Variants in CSMD1 observed in about 807,000 individuals in gnomAD.
CSMD1 encodes the protein CUB and sushi domain-containing protein 1.
CSMD1 carries 213 observed loss-of-function variants against 417.5 expected under a neutral mutation model. The observed-to-expected ratio is 0.51, with a 90% CI of 0.46 to 0.57. CSMD1 has a LOEUF of 0.57. Ranked by LOEUF, CSMD1 falls within the 20% of genes least tolerant of loss-of-function variation. CSMD1 has a pLI of 0.00. For missense variants in CSMD1, 6,923 were observed against 4,529.7 expected (o/e 1.53, Z -15.17); for synonymous variants, 2,862 against 1,736.8 (o/e 1.65, Z -16.11).
At chr8:4,756,039 AC>A (rs1289773898) in intron 1 of CSMD1, among the ~76,000 whole-genome samples, 12 of 152,366 alleles carry the variant, frequency 7.9e-5, no homozygotes, top group Non-Finnish European at 1.5e-4. Context: ...GTTCACAAAT[AC>A]AAATGCTAAA....
intron 3 of CSMD1, among the ~76,000 whole-genome samples, chr8:4,366,091 C>T (rs1187373596): frequency 6.6e-6 from 1 of 152,070 alleles, no homozygotes; most frequent in Non-Finnish European, 1.5e-5. Context: ...ACCCTCCCCA[C>T]TCAGGTAGTA....
chr8:4,904,310 A>G (rs982261202), intron 1 of CSMD1, among the ~76,000 whole-genome samples: 1 of 152,266 alleles, frequency 6.6e-6, no homozygotes. Context: ...TTCCCATTAA[A>G]AAATCAATAA....
intron 7 of CSMD1, among the ~76,000 whole-genome samples, chr8:3,640,011 T>TA (rs1358964508): frequency 6.6e-6 from 1 of 152,204 alleles, no homozygotes; most frequent in African/African-American, 2.4e-5. Context: ...AGGTGCTCAA[T>TA]AAATGTTTGT....
intron 2 of CSMD1, among the ~76,000 whole-genome samples, chr8:4,459,600 A>G (rs1799686745): frequency 1.3e-5 from 2 of 152,212 alleles, no homozygotes; most frequent in African/African-American, 4.8e-5. Flanking sequence ...AGATAATAAG[A>G]GACAGAGAAG....
intron 26 of CSMD1, among the ~76,000 whole-genome samples, chr8:3,277,731 G>A (rs1443368227): frequency 6.6e-6 from 1 of 152,170 alleles, no homozygotes; most frequent in East Asian, 1.9e-4. Context: ...CAAGAAGGCA[G>A]GTGGACACTC....
intron 1 of CSMD1, among the ~76,000 whole-genome samples, chr8:4,706,526 T>C (rs1563183567): frequency 6.6e-6 from 1 of 152,188 alleles, no homozygotes; most frequent in African/African-American, 2.4e-5. Context: ...AATCAACATA[T>C]TTCATAAACA....
chr8:4,234,575 C>G (rs1340214499), intron 3 of CSMD1, among the ~76,000 whole-genome samples: 2 of 152,152 alleles, frequency 1.3e-5, no homozygotes. Flanking sequence ...CAATTCTGCG[C>G]TGCTTTTTTA....
chr8:3,370,582 G>C (rs1809883676), intron 18 of CSMD1, among the ~76,000 whole-genome samples: 1 of 152,206 alleles, frequency 6.6e-6, no homozygotes, highest in African/African-American at 2.4e-5. Context: ...GGTGCTGCTA[G>C]GACAGATTAG....
intron 6 of CSMD1, among the ~76,000 whole-genome samples, chr8:3,722,395 G>A (rs1281617457): frequency 2.6e-5 from 4 of 152,174 alleles, no homozygotes; most frequent in Non-Finnish European, 1.5e-5. Flanking sequence ...TGAAAGCACA[G>A]TAGCTAAGAA....
chr8:3,738,828 C>T (rs933547685), intron 6 of CSMD1, among the ~76,000 whole-genome samples: 1 of 152,146 alleles, frequency 6.6e-6, no homozygotes, highest in African/African-American at 2.4e-5. Flanking sequence ...CCATGTTTCT[C>T]TTCATCTAAA....
chr8:3,642,829 A>G (rs186034163), intron 7 of CSMD1, among the ~76,000 whole-genome samples: 1 of 152,210 alleles, frequency 6.6e-6, no homozygotes, highest in African/African-American at 2.4e-5. Context: ...GAAATTATAC[A>G]TCCATATTTG....
At chr8:4,548,473 T>C (rs1370824687) in intron 2 of CSMD1, among the ~76,000 whole-genome samples, 1 of 152,154 alleles carries the variant, frequency 6.6e-6, no homozygotes, top group Non-Finnish European at 1.5e-5. Context: ...ATTGCATTCA[T>C]ATAAAGCAAG....
intron 5 of CSMD1, among the ~76,000 whole-genome samples, chr8:3,782,705 G>C (rs1327615214): frequency 6.6e-6 from 1 of 152,124 alleles, no homozygotes; most frequent in East Asian, 1.9e-4. Flanking sequence ...AATAGTTTTT[G>C]GCTAGGTTCA....
chr8:3,654,226 T>C (rs1344028492), intron 7 of CSMD1, among the ~76,000 whole-genome samples: 1 of 152,224 alleles, frequency 6.6e-6, no homozygotes, highest in Admixed American at 6.5e-5. Flanking sequence ...CTGAATTGTA[T>C]GTAAACCTTG....
At position 3,548,780 on chromosome 8, in the gene CSMD1, T is replaced by C. The variant is rs867118908; in HGVS notation, c.1344+26165A>G. Among the ~76,000 whole-genome samples the C allele has an allele frequency of 3.9e-5, 6 of 152,068 alleles. No individual in the cohort carries two copies. In the Middle Eastern group the frequency reaches 0.01, roughly 259 times the overall value. ...AGTAAGCCCGGCCAAGTTGTTTTCA[T>C]GCTTAACCACCTTCTCAGGTTTCTA... On this transcript the variant is annotated intron_variant, in intron 10 of 69. Coordinates refer to ENST00000635120, the MANE Select transcript of CSMD1 (RefSeq NM_033225.6).
intron 1 of CSMD1, among the ~76,000 whole-genome samples, chr8:4,699,632 C>T (rs1465072313): frequency 6.6e-6 from 1 of 152,086 alleles, no homozygotes; most frequent in Non-Finnish European, 1.5e-5. Context: ...AGATATGAAA[C>T]CACAAGCCAG....
chr8:4,931,232 T>C (rs1182911004), intron 1 of CSMD1, among the ~76,000 whole-genome samples: 1 of 152,202 alleles, frequency 6.6e-6, no homozygotes. Flanking sequence ...TTTTAGAATA[T>C]TGTTTTCTCC....
intron 1 of CSMD1, among the ~76,000 whole-genome samples, chr8:4,862,607 G>C (rs148687617): frequency 6.6e-6 from 1 of 151,976 alleles, no homozygotes; most frequent in African/African-American, 2.4e-5. Flanking sequence ...ATAAAAAATT[G>C]GAATACGGTT....
chr8:4,912,607 G>A (rs10086880), intron 1 of CSMD1, among the ~76,000 whole-genome samples: 5 of 152,004 alleles, frequency 3.3e-5, no homozygotes, highest in Non-Finnish European at 7.4e-5. Flanking sequence ...TCCTATTTTA[G>A]CTCAAGTTTG....
Sources: allele counts gnomAD v4.1 joint callset (sites outside exome capture counted in the v4.1 genomes callset), GRCh38; gene constraint gnomAD v4.1.1; transcripts MANE v1.5; gene names NCBI Gene and HGNC (gene_info 2026-07-23, HGNC 2026-07-21).